ATG10: variants seen among roughly 807,000 people sequenced by gnomAD.
ATG10 encodes the protein autophagy related 10, also known as ubiquitin-like-conjugating enzyme ATG10.
ATG10 carries 30 observed loss-of-function variants against 32.1 expected under a neutral mutation model. The ratio of observed to expected loss-of-function variants is 0.94; its 90% CI spans 0.70 to 1.27. The LOEUF is 1.27. ATG10 is among the 50% of genes most tolerant of loss of function. The probability of loss-of-function intolerance (pLI) is 0.00; values close to 1 mark genes in which losing one functional copy is unlikely to be tolerated. For missense variants in ATG10, 233 were observed against 262.3 expected (o/e 0.89, Z 0.77); for synonymous variants, 87 against 91.5 (o/e 0.95, Z 0.28).
At chr5:82,197,463 C>T (rs62365418) in intron 5 of ATG10, among the ~76,000 whole-genome samples, 153 of 21,486 alleles carry the variant, frequency 7.1e-3, no homozygotes, top group African/African-American at 0.044. Context: ...TGTCTATCTA[C>T]CTACCTACCT....
intron 3 of ATG10, among the ~76,000 whole-genome samples, chr5:82,091,082 G>A (rs772829043): frequency 2.0e-5 from 3 of 152,142 alleles, no homozygotes; most frequent in Non-Finnish European, 4.4e-5. Flanking sequence ...TGACAGAAAT[G>A]AATTTCTACT....
chr5:82,220,637 T>C lies in ATG10; in HGVS notation c.454-31925T>C, dbSNP rs112112481. Among the ~76,000 whole-genome samples the C allele has an allele frequency of 1.9e-3, 278 of 145,226 alleles. 3 individuals carry two copies. The highest frequency in any genetic ancestry group is 3.5e-3 in the Middle Eastern group (1 of 282). On this transcript the variant is annotated intron_variant, in intron 5 of 7. Coordinates refer to ENST00000282185, the MANE Select transcript of ATG10 (RefSeq NM_031482.5). ...GTACTCCATCTCTCTCTCTCTCTCTTTTTTTTTTTTAAGATGGAGTCTTGC... is the reference window on the plus strand; with the variant it reads ...GTACTCCATCTCTCTCTCTCTCTCTCTTTTTTTTTTAAGATGGAGTCTTGC...
At chr5:82,220,270 T>A (rs1745861979) in intron 5 of ATG10, among the ~76,000 whole-genome samples, 3 of 144,426 alleles carry the variant, frequency 2.1e-5, no homozygotes, top group Admixed American at 2.1e-4. Context: ...AGTGGAAGGC[T>A]TTTTTTTTTT....
intron 2 of ATG10, among the ~76,000 whole-genome samples, chr5:82,003,259 C>A (rs1376474740): frequency 6.6e-6 from 1 of 152,192 alleles, no homozygotes; most frequent in Non-Finnish European, 1.5e-5. Context: ...CTGGAAATAT[C>A]AGTAGGAATG....
intron 3 of ATG10, among the ~76,000 whole-genome samples, chr5:82,154,225 C>T (rs1264820797): frequency 2.0e-5 from 3 of 152,190 alleles, no homozygotes; most frequent in Non-Finnish European, 4.4e-5. Context: ...AACCCACACT[C>T]ATTAATTTAC....
At chr5:82,230,608 C>A (rs1746324880) in intron 5 of ATG10, among the ~76,000 whole-genome samples, 1 of 151,744 alleles carries the variant, frequency 6.6e-6, no homozygotes, top group African/African-American at 2.4e-5. Flanking sequence ...TGGCACGCTC[C>A]TGTAGTCCCA....
intron 5 of ATG10, among the ~76,000 whole-genome samples, chr5:82,224,041 G>A (rs74742215): frequency 0.042 from 6,348 of 152,170 alleles, 450 homozygotes; most frequent in African/African-American, 0.15. Flanking sequence ...ACCAGCAGTC[G>A]GCCAGGGTGT....
chr5:82,115,935 G>A (rs1181520536), intron 3 of ATG10, among the ~76,000 whole-genome samples: 3 of 152,086 alleles, frequency 2.0e-5, no homozygotes, highest in African/African-American at 7.2e-5. Context: ...AAGAGAAGTG[G>A]AATTGATACA....
intron 2 of ATG10, among the ~76,000 whole-genome samples, chr5:82,016,865 T>A (rs1422657317): frequency 6.6e-6 from 1 of 151,762 alleles, no homozygotes; most frequent in African/African-American, 2.4e-5. Context: ...ATTTTTTGTA[T>A]TTTTTTAGTA....
At chr5:82,072,370 C>T (rs1764156402) in intron 3 of ATG10, among the ~76,000 whole-genome samples, 2 of 152,108 alleles carry the variant, frequency 1.3e-5, no homozygotes, top group South Asian at 4.1e-4. Context: ...TGGGAAGCAG[C>T]TGAGTGGAAG....
intron 3 of ATG10, among the ~76,000 whole-genome samples, chr5:82,105,808 C>G (rs1037866540): frequency 6.6e-6 from 1 of 152,086 alleles, no homozygotes; most frequent in Admixed American, 6.6e-5. Flanking sequence ...CACAAGAATG[C>G]CAATAGTAGC....
chr5:82,161,859 TA>T (rs988409586), intron 3 of ATG10, among the ~76,000 whole-genome samples: 3 of 152,094 alleles, frequency 2.0e-5, no homozygotes, highest in Non-Finnish European at 2.9e-5. Context: ...ATTTTAATTT[TA>T]AAACGTGTAT....
intron 3 of ATG10, among the ~76,000 whole-genome samples, chr5:82,146,949 C>T (rs1019499319): frequency 1.3e-5 from 2 of 152,034 alleles, no homozygotes; most frequent in Admixed American, 6.6e-5. Context: ...GATTGAGTCA[C>T]GTTCAATTCT....
At chr5:82,139,801 C>G (rs1381909460) in intron 3 of ATG10, among the ~76,000 whole-genome samples, 1 of 133,148 alleles carries the variant, frequency 7.5e-6, no homozygotes, top group Non-Finnish European at 1.6e-5. Flanking sequence ...AAGTGAGGAG[C>G]CCCTCAGCCC....
At chr5:82,074,076 T>C (rs1268683709) in intron 3 of ATG10, among the ~76,000 whole-genome samples, 2 of 152,226 alleles carry the variant, frequency 1.3e-5, no homozygotes, top group Non-Finnish European at 2.9e-5. Context: ...TGAAGGATGA[T>C]TTATAGTGTT....
intron 1 of ATG10, among the ~76,000 whole-genome samples, chr5:81,979,046 C>CA (rs1760953261): frequency 6.6e-6 from 1 of 151,970 alleles, no homozygotes; most frequent in Non-Finnish European, 1.5e-5. Context: ...ACTACAGGTG[C>CA]ACATCACTGC....
intron 3 of ATG10, among the ~76,000 whole-genome samples, chr5:82,163,136 AG>A (rs1332108821): frequency 1.3e-5 from 2 of 152,240 alleles, no homozygotes; most frequent in Non-Finnish European, 2.9e-5. Context: ...ATGTAATAGA[AG>A]GTACAGATAC....
At chr5:82,178,011 T>G (rs1744097608) in intron 4 of ATG10, among the ~76,000 whole-genome samples, 1 of 152,142 alleles carries the variant, frequency 6.6e-6, no homozygotes, top group African/African-American at 2.4e-5. Context: ...GTTTTTCTTC[T>G]CTCTATTCTC....
intron 3 of ATG10, among the ~76,000 whole-genome samples, chr5:82,129,732 G>C (rs528867850): frequency 2.0e-5 from 3 of 152,050 alleles, no homozygotes; most frequent in African/African-American, 7.2e-5. Context: ...TCCCAGGGGG[G>C]CATCTGCCAG....
Sources: allele counts gnomAD v4.1 joint callset (sites outside exome capture counted in the v4.1 genomes callset), GRCh38; gene constraint gnomAD v4.1.1; transcripts MANE v1.5; gene names NCBI Gene and HGNC (gene_info 2026-07-23, HGNC 2026-07-21).